Variants in NOS1AP observed in about 807,000 individuals in gnomAD.
NOS1AP encodes the protein nitric oxide synthase 1 adaptor protein.
A neutral mutation model predicts 56.2 loss-of-function variants in NOS1AP; 21 were observed. The ratio of observed to expected loss-of-function variants is 0.37; its 90% confidence interval spans 0.26 to 0.54. The LOEUF (loss-of-function observed/expected upper bound fraction) is 0.54. Ranked by LOEUF, NOS1AP falls within the 20% of genes least tolerant of loss-of-function variation. NOS1AP has a pLI of 0.84. For missense variants in NOS1AP, 522 were observed against 657.8 expected, an observed-to-expected ratio of 0.79 and a Z score of 2.26; for synonymous variants, 270 against 274.6, an observed-to-expected ratio of 0.98 and a Z score of 0.17.
intron 2 of NOS1AP, among the ~76,000 whole-genome samples, chr1:162,199,622 G>A (rs914842323): frequency 1.4e-5 from 2 of 140,912 alleles, no homozygotes; most frequent in Non-Finnish European, 3.2e-5. Context: ...GTGTGTGTGT[G>A]TGTGTGTGTG....
At chr1:162,251,681 T>C (rs1054883585) in intron 2 of NOS1AP, among the ~76,000 whole-genome samples, 1 of 151,364 alleles carries the variant, frequency 6.6e-6, no homozygotes, top group African/African-American at 2.4e-5. Flanking sequence ...TATGTGTGTG[T>C]ATATATACAC....
At chr1:162,267,191 G>A (rs1188297292) in intron 2 of NOS1AP, among the ~76,000 whole-genome samples, 1 of 152,178 alleles carries the variant, frequency 6.6e-6, no homozygotes, top group Non-Finnish European at 1.5e-5. Context: ...TCAAAGAGCT[G>A]TATCTGCCCC....
chr1:162,266,283 G>T (rs1226374694), intron 2 of NOS1AP, among the ~76,000 whole-genome samples: 1 of 152,174 alleles, frequency 6.6e-6, no homozygotes, highest in Admixed American at 6.5e-5. Context: ...TAAGTCCCTG[G>T]CCTCAAGGAT....
intron 1 of NOS1AP, among the ~76,000 whole-genome samples, chr1:162,126,804 A>G (rs1231457963): frequency 1.3e-5 from 2 of 152,230 alleles, no homozygotes; most frequent in Admixed American, 6.5e-5. Flanking sequence ...TTTTCAGTGT[A>G]GATTCCTGGA....
intron 9 of NOS1AP, 42 bp downstream of exon 9, chr1:162,365,611 C>T: frequency 6.2e-7 from 1 of 1,601,646 alleles, no homozygotes; most frequent in Non-Finnish European, 8.5e-7. Context: ...TCTGTGAAGG[C>T]TCTGGAAAGA....
intron 2 of NOS1AP, among the ~76,000 whole-genome samples, chr1:162,212,536 G>A (rs1327949650): frequency 1.3e-5 from 2 of 152,128 alleles, no homozygotes; most frequent in African/African-American, 4.8e-5. Flanking sequence ...TCTGCCCCCC[G>A]CCACCCCGCT....
At chr1:162,249,777 G>C (rs1432930560) in intron 2 of NOS1AP, among the ~76,000 whole-genome samples, 1 of 152,162 alleles carries the variant, frequency 6.6e-6, no homozygotes, top group Non-Finnish European at 1.5e-5. Flanking sequence ...GTGCTAATCA[G>C]ATAATTATGC....
chr1:162,354,720 C>T (rs1313714208), intron 6 of NOS1AP, among the ~76,000 whole-genome samples: 2 of 152,206 alleles, frequency 1.3e-5, no homozygotes, highest in Non-Finnish European at 2.9e-5. Context: ...GTCCATCTAA[C>T]TGAGCTTCTA....
chr1:162,198,403 T>C (rs1263744295), intron 2 of NOS1AP, among the ~76,000 whole-genome samples: 1 of 152,220 alleles, frequency 6.6e-6, no homozygotes, highest in Non-Finnish European at 1.5e-5. Context: ...CCACTGGTTG[T>C]AGTATCTGAA....
intron 1 of NOS1AP, among the ~76,000 whole-genome samples, chr1:162,076,196 C>T (rs1691764536): frequency 6.6e-6 from 1 of 152,180 alleles, no homozygotes; most frequent in African/African-American, 2.4e-5. Flanking sequence ...CTTAGCTCCT[C>T]AGTGACCTTT....
intron 4 of NOS1AP, among the ~76,000 whole-genome samples, chr1:162,322,340 AAT>A (rs1241002022): frequency 6.6e-6 from 1 of 152,206 alleles, no homozygotes; most frequent in East Asian, 1.9e-4. Context: ...CAACTGGAAA[AAT>A]AAAAATATTA....
At chr1:162,210,140 G>A (rs1652300195) in intron 2 of NOS1AP, among the ~76,000 whole-genome samples, 1 of 152,184 alleles carries the variant, frequency 6.6e-6, no homozygotes, top group Admixed American at 6.5e-5. Flanking sequence ...AGGGATGGGT[G>A]GTAAGGCTCT....
intron 2 of NOS1AP, among the ~76,000 whole-genome samples, chr1:162,205,573 G>A (rs775578138): frequency 1.6e-4 from 24 of 152,248 alleles, no homozygotes; most frequent in South Asian, 2.1e-4. Context: ...TAATATTCTC[G>A]TCTTCATGCC....
chr1:162,071,476 A>G (rs1691657890), intron 1 of NOS1AP, among the ~76,000 whole-genome samples: 2 of 152,166 alleles, frequency 1.3e-5, no homozygotes, highest in African/African-American at 4.8e-5. Flanking sequence ...TTTCTCATGT[A>G]TATGGGTGAA....
chr1:162,122,991 C>T (rs1404988268), intron 1 of NOS1AP, among the ~76,000 whole-genome samples: 2 of 152,076 alleles, frequency 1.3e-5, no homozygotes, highest in Non-Finnish European at 2.9e-5. Flanking sequence ...AATAATACTG[C>T]AGTTCTCTTT....
intron 8 of NOS1AP, among the ~76,000 whole-genome samples, chr1:162,360,017 C>A (rs1464964224): frequency 2.0e-5 from 3 of 147,440 alleles, no homozygotes; most frequent in Non-Finnish European, 4.5e-5. Context: ...GTCCCCCCCC[C>A]ACCACCCCCA....
chr1:162,249,799 CAT>C (rs1486836063), intron 2 of NOS1AP, among the ~76,000 whole-genome samples: 1 of 152,168 alleles, frequency 6.6e-6, no homozygotes, highest in Non-Finnish European at 1.5e-5. Flanking sequence ...TGAGTGTAAA[CAT>C]TCAACCATGA....
chr1:162,173,034 A>G (rs1350167522), intron 2 of NOS1AP, among the ~76,000 whole-genome samples: 2 of 151,772 alleles, frequency 1.3e-5, no homozygotes, highest in Non-Finnish European at 2.9e-5. Flanking sequence ...TGATCCTCCC[A>G]CTGCACACTG....
Position 162,261,515 on chromosome 1 carries a change from A to AAGAGAAGAGAAGAGAG in NOS1AP, c.178-25829_178-25828insAGAGAAGAGAAGAGAG, listed in dbSNP as rs1557853895. On this transcript the variant is annotated intron_variant, in intron 2 of 9. Transcript: ENST00000361897. ...GAGAGAGAGAGAGAGAGAGAGAGAG[A>AAGAGAAGAGAAGAGAG]GAGAGAGAGAGAGAGAGAGAGAGAG... is the stretch of plus-strand genomic sequence containing the variant. Among the ~76,000 whole-genome samples, 22 of 24,602 alleles carry AAGAGAAGAGAAGAGAG rather than the reference A, an allele frequency of 8.9e-4. 5 individuals carry two copies. Among genetic ancestry groups the AAGAGAAGAGAAGAGAG allele is most frequent in the African/African-American group, 2.4e-3 (21 of 8,822 alleles). 16.1% of individuals were successfully genotyped at this position (24,602 alleles called of 152,430 possible). A position where few individuals can be genotyped will look rare whatever the true frequency, so the allele number is the denominator to read the frequency against.
Sources: allele counts gnomAD v4.1 joint callset (sites outside exome capture counted in the v4.1 genomes callset), GRCh38; gene constraint gnomAD v4.1.1; transcripts MANE v1.5; gene names NCBI Gene and HGNC (gene_info 2026-07-23, HGNC 2026-07-21).